The following CD4 variants were observed in gnomAD, a reference collection of about 807,000 sequenced individuals.
CD4 encodes the protein CD4 molecule, also known as T-cell surface glycoprotein CD4.
A neutral mutation model predicts 50.5 loss-of-function variants in CD4; 25 were observed. The ratio of observed to expected loss-of-function variants is 0.49; its 90% CI spans 0.36 to 0.69. CD4 has a LOEUF of 0.69. Ranked by LOEUF, CD4 falls within the 30% of genes least tolerant of loss-of-function variation. CD4 has a pLI of 0.00. For synonymous variants in CD4, 207 were observed against 221.9 expected (o/e 0.93, Z 0.60); for missense variants, 456 against 548.5 (o/e 0.83, Z 1.68).
chr12:6,811,352 T>C (rs1942928701), intron 3 of CD4, among the ~76,000 whole-genome samples: 2 of 152,170 alleles, frequency 1.3e-5, no homozygotes, highest in African/African-American at 4.8e-5. Flanking sequence ...GTGATGGTTA[T>C]TAGATTTTAC....
At chr12:6,803,781 T>C (rs1942636954) in intron 3 of CD4, among the ~76,000 whole-genome samples, 1 of 146,398 alleles carries the variant, frequency 6.8e-6, no homozygotes, top group Admixed American at 6.9e-5. Flanking sequence ...TGAGACTCCA[T>C]CACAAAAAAT....
At chr12:6,793,689 TATCTATC>T in intron 1 of CD4, among the ~76,000 whole-genome samples, 1 of 114,932 alleles carries the variant, frequency 8.7e-6, no homozygotes, top group Admixed American at 8.7e-5. Flanking sequence ...TCTATCTATC[TATCTATC>T]TATCTATCTT....
intron 3 of CD4, among the ~76,000 whole-genome samples, chr12:6,810,024 G>C (rs925261330): frequency 9.9e-5 from 15 of 151,586 alleles, no homozygotes; most frequent in African/African-American, 3.4e-4. Context: ...CGAGTAACTG[G>C]GATTACAGGC....
chr12:6,801,179 T>C lies in CD4; in HGVS notation c.214+708T>C, dbSNP rs992781080. Among the ~76,000 whole-genome samples, 6 of 151,584 alleles carry C rather than the reference T, an allele frequency of 4.0e-5. No homozygotes were observed. In the East Asian group the frequency reaches 9.8e-4, roughly 25 times the overall value. On this transcript the variant is annotated intron_variant, in intron 3 of 9. Transcript: ENST00000011653. ...CCTTGGCCTCTCAGAGTGCTGGAAT[T>C]ACAGGTGTGTGTCACTATGCCTAGC...
In CD4 at chr12:6,814,729, G is replaced by T. The variant is rs1334468812; in HGVS notation, c.374-30G>T. 2.0e-6 allele frequency: 3 copies of T among 1,507,074 alleles called. No homozygotes were observed. In the African/African-American group the frequency reaches 4.1e-5, roughly 21 times the overall value. The allele number at this position is 1,507,074 out of a possible 1,614,324, so 93.4% of individuals were successfully genotyped here. A position where few individuals can be genotyped will look rare whatever the true frequency, so the allele number is the denominator to read the frequency against. On this transcript the variant is annotated intron_variant, in intron 4 of 9. Transcript: ENST00000011653. Reference sequence around the variant, plus strand: ...GCCCTTCTCCTTGGGGATGGTATGTGTGTGACACAGCTGGCCTTTCCCTCC... The same window carrying T: ...GCCCTTCTCCTTGGGGATGGTATGTTTGTGACACAGCTGGCCTTTCCCTCC...
intron 9 of CD4, 101 bp downstream of exon 9, chr12:6,819,015 G>T (rs1943196570): frequency 1.3e-6 from 1 of 780,692 alleles, no homozygotes; most frequent in Non-Finnish European, 2.1e-6. Flanking sequence ...AGGAAGGGAG[G>T]ATGGAGAGGA....
chr12:6,800,443 G>T lies in CD4; in HGVS notation c.186G>T (p.Leu62=). 6.2e-7 allele frequency: 1 copy of T among 1,613,832 alleles called. No homozygotes were observed. The highest frequency in any genetic ancestry group is 2.2e-5 in the East Asian group (1 of 44,876). ...AAAACTCCAACCAGATAAAGATTCT[G>T]GGAAATCAGGGCTCCTTCTTAACTA... is the stretch of plus-strand genomic sequence containing the variant. ...HWKNSNQIKI[L]GNQGSFLTKG... Residue 62 remains leucine, a synonymous_variant, in exon 3 of 10, where the codon CTG becomes CTT. Transcript: ENST00000011653.
rs914306693 is a variant in CD4, at chr12:6,789,650, C to T, written c.-80C>T. On this transcript the variant is annotated 5_prime_UTR_variant, in exon 1 of 10. It adds an upstream start codon to the 5' untranslated region. Transcript: ENST00000011653. ...TTTGAGAAGCAGCGGGCAAGAAAGACGCAAGCCCAGAGGTAAGGTGGTCAG... is the reference window on the plus strand; with the variant it reads ...TTTGAGAAGCAGCGGGCAAGAAAGATGCAAGCCCAGAGGTAAGGTGGTCAG... 2.6e-5 allele frequency: 4 copies of T among 152,278 alleles called. No individual in the cohort carries two copies. Among genetic ancestry groups the T allele is most frequent in the African/African-American group, 2.4e-5 (1 of 41,464 alleles). The allele number at this position is 152,278 out of a possible 1,614,324, so 9.4% of individuals were successfully genotyped here. A position where few individuals can be genotyped will look rare whatever the true frequency, so the allele number is the denominator to read the frequency against.
At position 6,816,721 on chromosome 12, in the gene CD4, G is replaced by A. The variant is rs1285282186; in HGVS notation, c.955+318G>A. Among the ~76,000 whole-genome samples, 1 of 152,186 alleles carries A rather than the reference G, an allele frequency of 6.6e-6. No individual in the cohort carries two copies. The highest frequency in any genetic ancestry group is 1.9e-4 in the East Asian group (1 of 5,192). On this transcript the variant is annotated intron_variant, in intron 6 of 9. Transcript: ENST00000011653. This position sits in a 1 kb window ranked among gnomAD's most constrained non-coding sequence, Gnocchi z 4.9. Reference sequence around the variant, plus strand: ...GCCTGCTTCCTGACCTGTCTAATAAGGATAATGAAATCTGCTCTCTGTGTG... The same window carrying A: ...GCCTGCTTCCTGACCTGTCTAATAAAGATAATGAAATCTGCTCTCTGTGTG...
rs1457769086 is a variant in CD4, at chr12:6,817,176, C to A, written c.1002C>A (p.Thr334=). Residue 334 remains threonine, a synonymous_variant, in exon 7 of 10, where the codon ACC becomes ACA. Coordinates refer to ENST00000011653, the MANE Select transcript of CD4 (RefSeq NM_000616.5). ...KNLTCEVWGP[T]SPKLMLSLKL... ...TGACCTGTGAGGTGTGGGGACCCAC[C>A]TCCCCTAAGCTGATGCTGAGTTTGA... 6 of 1,613,990 alleles carry A rather than the reference C, an allele frequency of 3.7e-6. No individual in the cohort carries two copies. The African/African-American group carries it at 5.3e-5, about 14-fold the overall frequency.
Position 6,818,997 on chromosome 12 carries a change from A to T in CD4, c.1346+83A>T. 1 of 474,636 alleles carries T rather than the reference A, an allele frequency of 2.1e-6. No homozygotes were observed. Among genetic ancestry groups the T allele is most frequent in the Non-Finnish European group, 3.9e-6 (1 of 255,874 alleles). The allele number at this position is 474,636 out of a possible 1,614,324, so 29.4% of individuals were successfully genotyped here. A position where few individuals can be genotyped will look rare whatever the true frequency, so the allele number is the denominator to read the frequency against. On this transcript the variant is annotated intron_variant, in intron 9 of 9. Coordinates refer to ENST00000011653, the MANE Select transcript of CD4 (RefSeq NM_000616.5). The surrounding 1 kb of genome is among the most constrained non-coding windows in gnomAD (Gnocchi z 5.0). ...AGAGGAGGGGGAGGAAGGGGAGCAA[A>T]GGGGGGCAGGAAGGGAGGATGGAGA...
At chr12:6,791,744 T>C (rs1343440426) in intron 1 of CD4, among the ~76,000 whole-genome samples, 2 of 152,068 alleles carry the variant, frequency 1.3e-5, no homozygotes, top group African/African-American at 4.8e-5. Flanking sequence ...TAGCTGGGCA[T>C]GGTAGTGTGT....
At chr12:6,803,735 A>G (rs1555115731) in intron 3 of CD4, among the ~76,000 whole-genome samples, 1 of 151,714 alleles carries the variant, frequency 6.6e-6, no homozygotes, top group African/African-American at 2.4e-5. Context: ...CAGTGAGCTG[A>G]GACCGTGCCA....
chr12:6,807,970 C>G (rs1342061799), intron 3 of CD4, among the ~76,000 whole-genome samples: 1 of 150,524 alleles, frequency 6.6e-6, no homozygotes, highest in South Asian at 2.1e-4. Flanking sequence ...GTCCCAGCTA[C>G]TCGGGAGGCT....
chr12:6,801,831 A>G (rs571801008), intron 3 of CD4, among the ~76,000 whole-genome samples: 43 of 148,466 alleles, frequency 2.9e-4, no homozygotes, highest in Non-Finnish European at 5.0e-4. Flanking sequence ...AAGTGCTGGG[A>G]TTACAGGCGT....
intron 1 of CD4, among the ~76,000 whole-genome samples, chr12:6,794,786 G>GTTTTTTTTT (rs1220016459): frequency 4.7e-5 from 5 of 105,368 alleles, no homozygotes; most frequent in South Asian, 3.4e-4. Context: ...TTTTTTTTTT[G>GTTTTTTTTT]TTTTTTTTTT....
chr12:6,794,079 C>CT (rs199663637), intron 1 of CD4, among the ~76,000 whole-genome samples: 115 of 141,974 alleles, frequency 8.1e-4, no homozygotes, highest in Middle Eastern at 3.7e-3. Flanking sequence ...ATCTATCTAT[C>CT]TTTTTTTTTT....
At chr12:6,817,894 CACAT>C (rs782731470) in intron 7 of CD4, among the ~76,000 whole-genome samples, 1 of 151,962 alleles carries the variant, frequency 6.6e-6, no homozygotes, top group Non-Finnish European at 1.5e-5. Context: ...CACATTCACG[CACAT>C]ACTCTCACCC....
chr12:6,814,233 A>G lies in CD4; in HGVS notation c.306A>G (p.Glu102=). 6.2e-7 allele frequency: 1 copy of G among 1,614,112 alleles called. No individual in the cohort carries two copies. Residue 102 remains glutamate (E), a synonymous_variant, in exon 4 of 10, where the codon GAA becomes GAG. Coordinates refer to ENST00000011653, the MANE Select transcript of CD4 (RefSeq NM_000616.5). The part of the protein sequence containing the change: ...FPLIIKNLKI[E]DSDTYICEVE... ...TGATCATCAAGAATCTTAAGATAGA[A>G]GACTCAGATACTTACATCTGTGAAG... is the stretch of plus-strand genomic sequence containing the variant.
Sources: allele counts gnomAD v4.1 joint callset (sites outside exome capture counted in the v4.1 genomes callset), GRCh38; gene constraint gnomAD v4.1.1; non-coding constraint Gnocchi (gnomAD v3.1); transcripts MANE v1.5; gene names NCBI Gene and HGNC (gene_info 2026-07-23, HGNC 2026-07-21).